The following CTNNA2 variants were observed in gnomAD, a reference collection of about 807,000 sequenced individuals.
CTNNA2 encodes the protein catenin alpha-2.
CTNNA2 carries 42 observed loss-of-function variants against 101.0 expected under a neutral mutation model. That is an observed-to-expected ratio of 0.42 (90% confidence interval 0.32 to 0.54). CTNNA2 has a LOEUF of 0.54. CTNNA2 is among the 20% of genes least tolerant of loss of function. CTNNA2 has a pLI of 0.14. For missense variants in CTNNA2, 871 were observed against 1,223.1 expected (o/e 0.71, Z 4.29); for synonymous variants, 450 against 456.4 (o/e 0.99, Z 0.18).
Position 79,775,778 on chromosome 2 carries a change from A to G in CTNNA2, c.298+31196A>G, listed in dbSNP as rs1289888472. On this transcript the variant is annotated intron_variant, in intron 3 of 18. Coordinates refer to ENST00000402739, the MANE Select transcript of CTNNA2 (RefSeq NM_001282597.3). ...TTTTGGTAGGTGTTGCATAGTAGAC[A>G]GTTGACATTGCCACCACCTCCACCA... Among the ~76,000 whole-genome samples the G allele has an allele frequency of 7.2e-5, 11 of 152,298 alleles. No individual in the cohort carries two copies. The East Asian group carries it at 2.1e-3, about 29-fold the overall frequency.
intron 3 of CTNNA2, among the ~76,000 whole-genome samples, chr2:79,340,711 G>A (rs941230651): frequency 2.6e-5 from 4 of 151,646 alleles, no homozygotes; most frequent in Non-Finnish European, 5.9e-5. Flanking sequence ...GCAGGCGCCT[G>A]TAGTCCCAGC....
intron 10 of CTNNA2, 95 bp from the exon 11 acceptor site, chr2:80,545,812 G>C (rs1692010257): frequency 7.9e-7 from 1 of 1,263,006 alleles, no homozygotes; most frequent in Non-Finnish European, 1.1e-6. Context: ...TCTGTAGAAC[G>C]TACAGGGTGC....
At chr2:79,634,780 A>C (rs1029869961) in intron 1 of CTNNA2, 18 of 152,332 alleles carry the variant, frequency 1.2e-4, no homozygotes, top group African/African-American at 4.3e-4. Context: ...GAATGACACA[A>C]GAAAAGTCTT....
intron 2 of CTNNA2, among the ~76,000 whole-genome samples, chr2:79,237,521 C>T (rs897785282): frequency 6.6e-6 from 1 of 152,180 alleles, no homozygotes; most frequent in African/African-American, 2.4e-5. Flanking sequence ...TCCTTGAAAG[C>T]TTTAAAACTG....
chr2:80,602,659 T>C lies in CTNNA2; in HGVS notation c.2190-1415T>C, dbSNP rs1009453658. On this transcript the variant is annotated intron_variant, in intron 15 of 18. Coordinates refer to ENST00000402739, the MANE Select transcript of CTNNA2 (RefSeq NM_001282597.3). ...ACCATTTATTTTGCGCTAATAAAAA[T>C]ATGTTAGGGAATAGCAAACAGATTG... Among the ~76,000 whole-genome samples the C allele has an allele frequency of 9.9e-5, 15 of 152,086 alleles. No homozygotes were observed. In the South Asian group the frequency reaches 1.2e-3, roughly 13 times the overall value.
intron 4 of CTNNA2, among the ~76,000 whole-genome samples, chr2:79,465,622 T>C (rs1670925466): frequency 6.6e-6 from 1 of 152,202 alleles, no homozygotes; most frequent in Non-Finnish European, 1.5e-5. Context: ...GAGCATGGAA[T>C]GTTCTTCTAT....
chr2:79,900,787 A>G (rs534395468), intron 6 of CTNNA2, among the ~76,000 whole-genome samples: 1 of 150,238 alleles, frequency 6.7e-6, no homozygotes, highest in African/African-American at 2.5e-5. Context: ...TTTAAAAATA[A>G]CTAAAAGAGT....
chr2:79,289,029 T>G (rs989014898), intron 2 of CTNNA2, among the ~76,000 whole-genome samples: 8 of 152,248 alleles, frequency 5.3e-5, no homozygotes, highest in African/African-American at 1.9e-4. Context: ...TGCTTTTTGT[T>G]TGTTTCATAA....
In CTNNA2 at chr2:79,927,137, G is replaced by C. The variant is rs557423688; in HGVS notation, c.1056+17340G>C. ...TGATTAGATTAAAGGACATCGAATAGAGAAAAAATATGTTTGCAAAGGAAA... is the reference window on the plus strand; with the variant it reads ...TGATTAGATTAAAGGACATCGAATACAGAAAAAATATGTTTGCAAAGGAAA... On this transcript the variant is annotated intron_variant, in intron 7 of 18. Transcript: ENST00000402739. Among the ~76,000 whole-genome samples the C allele has an allele frequency of 3.9e-5, 6 of 152,222 alleles. No individual in the cohort carries two copies. The South Asian group carries it at 1.2e-3, about 32-fold the overall frequency.
At chr2:79,993,531 C>G (rs1383977914) in intron 7 of CTNNA2, among the ~76,000 whole-genome samples, 1 of 152,112 alleles carries the variant, frequency 6.6e-6, no homozygotes, top group South Asian at 2.1e-4. Context: ...GGAGTAACAA[C>G]AAAGGTAGTA....
intron 2 of CTNNA2, among the ~76,000 whole-genome samples, chr2:79,266,966 T>G (rs1390312127): frequency 6.6e-6 from 1 of 152,122 alleles, no homozygotes; most frequent in Non-Finnish European, 1.5e-5. Context: ...TTGAGCTTAA[T>G]ATCTGATTTT....
rs1056992406 is a variant in CTNNA2, at chr2:80,229,889, G to A, written c.1057-163322G>A. Among the ~76,000 whole-genome samples, 5 of 152,252 alleles carry A rather than the reference G, an allele frequency of 3.3e-5. No individual in the cohort carries two copies. The South Asian group carries it at 1.0e-3, about 32-fold the overall frequency. ...TACTTAGGAAATTCTGGGCGCTTTA[G>A]GGGTTCTCTATATAATGTTTTGGCC... On this transcript the variant is annotated intron_variant, in intron 7 of 18. Transcript: ENST00000402739.
chr2:80,181,090 C>T (rs575850145), intron 7 of CTNNA2, among the ~76,000 whole-genome samples: 18 of 152,240 alleles, frequency 1.2e-4, no homozygotes, highest in African/African-American at 4.1e-4. Flanking sequence ...GTGTAGTGCA[C>T]TTCCTCATGG....
chr2:79,552,547 G>A (rs1039387456), intron 1 of CTNNA2, among the ~76,000 whole-genome samples: 3 of 152,142 alleles, frequency 2.0e-5, no homozygotes, highest in Non-Finnish European at 4.4e-5. Flanking sequence ...TCTCTGTACT[G>A]CCCTAGTAGA....
intron 18 of CTNNA2, among the ~76,000 whole-genome samples, chr2:80,632,934 G>A (rs1672452573): frequency 6.6e-6 from 1 of 152,122 alleles, no homozygotes; most frequent in Non-Finnish European, 1.5e-5. Flanking sequence ...GAAACTCAAA[G>A]AGATTACAGA....
chr2:80,354,562 T>A (rs1002407973), intron 7 of CTNNA2, among the ~76,000 whole-genome samples: 5 of 152,148 alleles, frequency 3.3e-5, no homozygotes, highest in Admixed American at 3.3e-4. Context: ...TTGTGAGGAT[T>A]GTGAAAGCAA....
At chr2:79,625,330 C>T (rs1573506094) in intron 1 of CTNNA2, among the ~76,000 whole-genome samples, 1 of 151,872 alleles carries the variant, frequency 6.6e-6, no homozygotes, top group Non-Finnish European at 1.5e-5. Flanking sequence ...GATTATGGCT[C>T]TTAATAGTTT....
chr2:80,418,038 T>G (rs1028690106), intron 8 of CTNNA2, among the ~76,000 whole-genome samples: 3 of 152,164 alleles, frequency 2.0e-5, no homozygotes, highest in Admixed American at 2.0e-4. Flanking sequence ...CTTCTCTTCC[T>G]TTTGTCTCTG....
chr2:80,213,500 C>A (rs1051647102), intron 7 of CTNNA2, among the ~76,000 whole-genome samples: 1 of 152,210 alleles, frequency 6.6e-6, no homozygotes, highest in Admixed American at 6.5e-5. Context: ...GCACATTGTT[C>A]AGTTTCCACG....
Sources: gnomAD v4.1 joint callset for allele counts (sites outside exome capture counted in the v4.1 genomes callset) on GRCh38, gnomAD v4.1.1 for gene constraint, MANE v1.5 for transcripts, NCBI Gene and HGNC (gene_info 2026-07-23, HGNC 2026-07-21) for gene names.